Variants in MALRD1 observed in about 807,000 individuals in gnomAD.
The protein encoded by MALRD1 is MAM and LDL-receptor class A domain-containing protein 1.
Under a neutral mutation model 242.1 loss-of-function variants are expected in MALRD1, and 247 were observed. That is an observed-to-expected ratio of 1.02 (90% CI 0.92 to 1.13). The LOEUF (loss-of-function observed/expected upper bound fraction) is 1.13. Among genes scored for constraint, MALRD1 ranks in the 50% most tolerant of loss-of-function variants. The pLI, the probability that MALRD1 is intolerant of heterozygous loss-of-function variation, is 0.00. For synonymous variants in MALRD1, 995 were observed against 866.6 expected (o/e 1.15, Z -2.60); for missense variants, 2,989 against 2,533.1 (o/e 1.18, Z -3.86).
intron 18 of MALRD1, among the ~76,000 whole-genome samples, chr10:19,218,106 C>T (rs1228832429): frequency 1.3e-5 from 2 of 151,942 alleles, no homozygotes; most frequent in Non-Finnish European, 2.9e-5. Flanking sequence ...TATGTCGGCT[C>T]ATTTAAGCAA....
At chr10:19,281,418 T>C (rs1255780800) in intron 20 of MALRD1, among the ~76,000 whole-genome samples, 1 of 152,224 alleles carries the variant, frequency 6.6e-6, no homozygotes, top group African/African-American at 2.4e-5. Flanking sequence ...AGTTCAACTT[T>C]GCCGTTTTAG....
chr10:19,496,765 TA>T (rs1270464220), intron 30 of MALRD1, among the ~76,000 whole-genome samples: 6 of 152,126 alleles, frequency 3.9e-5, no homozygotes, highest in African/African-American at 1.4e-4. Context: ...TGAATATTTT[TA>T]AATTAATAGG....
chr10:19,460,312 G>A (rs59117776), intron 29 of MALRD1, among the ~76,000 whole-genome samples: 8,527 of 152,086 alleles, frequency 0.056, 770 homozygotes, highest in African/African-American at 0.2. Flanking sequence ...ATCTAGTTGA[G>A]CCAAACATAA....
chr10:19,377,639 A>ATT (rs35032147), intron 26 of MALRD1, among the ~76,000 whole-genome samples: 19 of 150,600 alleles, frequency 1.3e-4, no homozygotes, highest in Admixed American at 3.3e-4. Context: ...AGTCATAATT[A>ATT]TTTTTTTTTC....
chr10:19,726,780 C>G (rs75107180), intron 38 of MALRD1, among the ~76,000 whole-genome samples: 4,670 of 152,202 alleles, frequency 0.031, 232 homozygotes, highest in African/African-American at 0.092. Context: ...AATGATTAAA[C>G]TTCTGATACA....
chr10:19,250,838 T>C (rs957988268), intron 18 of MALRD1, among the ~76,000 whole-genome samples: 1 of 151,920 alleles, frequency 6.6e-6, no homozygotes, highest in African/African-American at 2.4e-5. Context: ...TCTCTCTCAA[T>C]GTGTGTATTC....
intron 32 of MALRD1, among the ~76,000 whole-genome samples, chr10:19,555,766 A>T (rs1835691889): frequency 6.6e-6 from 1 of 152,154 alleles, no homozygotes; most frequent in Admixed American, 6.6e-5. Flanking sequence ...TGGTACTTTG[A>T]TCATTCTTGC....
intron 13 of MALRD1, among the ~76,000 whole-genome samples, chr10:19,174,730 A>G (rs564820432): frequency 6.6e-6 from 1 of 152,248 alleles, no homozygotes; most frequent in South Asian, 2.1e-4. Flanking sequence ...TGTGTGCTTT[A>G]CTACAGTGAG....
intron 36 of MALRD1, among the ~76,000 whole-genome samples, chr10:19,681,922 C>G (rs1163256438): frequency 6.8e-6 from 1 of 146,474 alleles, no homozygotes; most frequent in Non-Finnish European, 1.5e-5. Context: ...ATGGCACAGT[C>G]TCAGCTCACT....
intron 28 of MALRD1, among the ~76,000 whole-genome samples, chr10:19,390,309 A>G (rs1846284544): frequency 6.6e-6 from 1 of 152,204 alleles, no homozygotes; most frequent in Admixed American, 6.5e-5. Flanking sequence ...GTAATAATAG[A>G]CATTCTGGTT....
intron 28 of MALRD1, among the ~76,000 whole-genome samples, chr10:19,424,747 A>G (rs1317656244): frequency 6.6e-6 from 1 of 152,120 alleles, no homozygotes; most frequent in East Asian, 1.9e-4. Context: ...TTTAAAAATC[A>G]CATTTGTTTT....
At chr10:19,544,666 C>A (rs1258305739) in intron 32 of MALRD1, among the ~76,000 whole-genome samples, 1 of 151,604 alleles carries the variant, frequency 6.6e-6, no homozygotes, top group Non-Finnish European at 1.5e-5. Flanking sequence ...AAAAGTAGAT[C>A]TTTGGTCAGA....
At position 19,178,225 on chromosome 10, in the gene MALRD1, G is replaced by A. The variant is rs116799655; in HGVS notation, c.1951+2897G>A. On this transcript the variant is annotated intron_variant, in intron 14 of 39. Coordinates refer to ENST00000454679, the MANE Select transcript of MALRD1 (RefSeq NM_001142308.3). Reference sequence around the variant, plus strand: ...TTGGATAGATAATATATCTAATTAGGACAGATTACATGAATGATTCCTGAA... The same window carrying A: ...TTGGATAGATAATATATCTAATTAGAACAGATTACATGAATGATTCCTGAA... Among the ~76,000 whole-genome samples the A allele has an allele frequency of 8.5e-3, 1,288 of 152,178 alleles. 14 individuals are homozygous for A. Among genetic ancestry groups the A allele is most frequent in the African/African-American group, 0.029 (1,221 of 41,492 alleles).
chr10:19,095,186 A>C (rs571065380), intron 4 of MALRD1, among the ~76,000 whole-genome samples: 2 of 152,336 alleles, frequency 1.3e-5, no homozygotes, highest in East Asian at 3.9e-4. Context: ...TTGAGTGCCT[A>C]AGAGGAAAAG....
At chr10:19,399,580 A>G (rs1485088446) in intron 28 of MALRD1, among the ~76,000 whole-genome samples, 1 of 152,166 alleles carries the variant, frequency 6.6e-6, no homozygotes, top group African/African-American at 2.4e-5. Flanking sequence ...TACAGATTAC[A>G]GAGTTGGAGT....
At chr10:19,155,195 C>G in intron 12 of MALRD1, 23 bp downstream of exon 12, 4 of 1,206,428 alleles carry the variant, frequency 3.3e-6, no homozygotes, top group Non-Finnish European at 4.1e-6. Flanking sequence ...TCTGAATTTC[C>G]ACTGGCCATT....
intron 29 of MALRD1, among the ~76,000 whole-genome samples, chr10:19,452,280 T>C (rs1835374828): frequency 6.6e-6 from 1 of 152,222 alleles, no homozygotes; most frequent in Admixed American, 6.5e-5. Context: ...TAGTCTCATG[T>C]AGAAGTCTGC....
chr10:19,607,441 A>G (rs761455223), intron 34 of MALRD1, among the ~76,000 whole-genome samples: 22 of 152,002 alleles, frequency 1.4e-4, no homozygotes, highest in Non-Finnish European at 2.9e-4. Flanking sequence ...CTCTCTTCTT[A>G]TAACCTTTGT....
intron 5 of MALRD1, among the ~76,000 whole-genome samples, chr10:19,115,692 A>G (rs1033118444): frequency 6.6e-6 from 1 of 152,096 alleles, no homozygotes; most frequent in African/African-American, 2.4e-5. Context: ...CCTGGGCAAC[A>G]TGGTGAAACC....
Sources: gnomAD v4.1 joint callset for allele counts (sites outside exome capture counted in the v4.1 genomes callset) on GRCh38, gnomAD v4.1.1 for gene constraint, MANE v1.5 for transcripts, NCBI Gene and HGNC (gene_info 2026-07-23, HGNC 2026-07-21) for gene names.